CRYBG1: variants seen among roughly 807,000 people sequenced by gnomAD.
CRYBG1 encodes the protein beta/gamma crystallin domain-containing protein 1.
In CRYBG1, 139 loss-of-function variants were observed where a neutral mutation model predicts 189.2. The observed-to-expected ratio is 0.73, with a 90% confidence interval of 0.64 to 0.85. The LOEUF (loss-of-function observed/expected upper bound fraction) is 0.85. CRYBG1 is among the 40% of genes least tolerant of loss of function. The pLI is 0.00. For missense variants in CRYBG1, 2,611 were observed against 2,675.8 expected (o/e 0.98, Z 0.53); for synonymous variants, 1,023 against 1,017.1 (o/e 1.01, Z -0.11).
rs1010718510 is a variant in CRYBG1, at chr6:106,512,257, C to T, written c.1140C>T (p.Ile380=). The change falls in exon 3 of 22, where the codon ATC becomes ATT. Residue 380 remains isoleucine, a synonymous_variant. Transcript: ENST00000633556. ...CTGCTAAGGTGCTAACTTTGGACAT[C>T]TACTTGAGTAAGACTGAGGGGGCAC... is the stretch of plus-strand genomic sequence containing the variant. ...AHPAKVLTLD[I]YLSKTEGAQV... 2.6e-5 allele frequency: 40 copies of T among 1,553,524 alleles called. No homozygotes were observed. Among genetic ancestry groups the T allele is most frequent in the Non-Finnish European group, 3.3e-5 (38 of 1,153,268 alleles).
At chr6:106,471,889 C>G (rs553049312) in intron 2 of CRYBG1, among the ~76,000 whole-genome samples, 4 of 151,978 alleles carry the variant, frequency 2.6e-5, no homozygotes, top group Non-Finnish European at 5.9e-5. Flanking sequence ...ATTTTACCCC[C>G]TATCTCTCAT....
At chr6:106,545,240 A>C (rs904580932) in intron 13 of CRYBG1, among the ~76,000 whole-genome samples, 2 of 152,210 alleles carry the variant, frequency 1.3e-5, no homozygotes, top group Non-Finnish European at 2.9e-5. Flanking sequence ...GAGATCAAAT[A>C]ATAATAATAG....
intron 1 of CRYBG1, among the ~76,000 whole-genome samples, chr6:106,375,843 A>G (rs1432238397): frequency 6.6e-6 from 1 of 152,248 alleles, no homozygotes; most frequent in Non-Finnish European, 1.5e-5. Context: ...AACTGCTGAT[A>G]GCACTGAACC....
At position 106,360,807 on chromosome 6, in the gene CRYBG1, T is replaced by G; in HGVS notation, c.-102T>G. On this transcript the variant is annotated 5_prime_UTR_variant, in exon 1 of 22. Transcript: ENST00000633556. Reference sequence around the variant, plus strand: ...GAGGGGGCGGGGTCCCACGGCGCGCTGAGAAAGGCGGGCGAGCTGGCGCTC... The same window carrying G: ...GAGGGGGCGGGGTCCCACGGCGCGCGGAGAAAGGCGGGCGAGCTGGCGCTC... The G allele has an allele frequency of 1.6e-4, 218 of 1,336,582 alleles. No individual in the cohort carries two copies. The highest frequency in any genetic ancestry group is 1.9e-4 in the Non-Finnish European group (198 of 1,023,406). 82.8% of individuals were successfully genotyped at this position (1,336,582 alleles called of 1,614,324 possible).
intron 8 of CRYBG1, 134 bp downstream of exon 8, chr6:106,530,449 A>T: frequency 5.0e-6 from 4 of 802,880 alleles, no homozygotes; most frequent in Middle Eastern, 3.0e-4. Context: ...GTATATTTTT[A>T]TAAGGCACGT....
intron 1 of CRYBG1, among the ~76,000 whole-genome samples, chr6:106,375,617 A>T (rs1415155040): frequency 6.6e-6 from 1 of 152,142 alleles, no homozygotes; most frequent in Non-Finnish European, 1.5e-5. Context: ...GTTGGTTAGC[A>T]TCACTTGTTA....
rs943475335 is a variant in CRYBG1, at chr6:106,470,281, C to T, written c.312+18449C>T. 3.3e-5 allele frequency among the ~76,000 whole-genome samples: 5 copies of T among 152,120 alleles called. No individual in the cohort carries two copies. In the South Asian group the frequency reaches 1.0e-3, roughly 32 times the overall value. ...TCAAGGGTGCAATGAGCTGTGTTCA[C>T]GCCACTGCACTCCAGCCTGGGCAAC... On this transcript the variant is annotated intron_variant, in intron 2 of 21. Coordinates refer to ENST00000633556, the MANE Select transcript of CRYBG1 (RefSeq NM_001371242.2).
At chr6:106,523,084 CA>C (rs1773648262) in intron 4 of CRYBG1, among the ~76,000 whole-genome samples, 1 of 152,172 alleles carries the variant, frequency 6.6e-6, no homozygotes, top group African/African-American at 2.4e-5. Context: ...GATGTCATCA[CA>C]CATCATGGAG....
At chr6:106,415,150 G>T (rs541093243) in intron 1 of CRYBG1, among the ~76,000 whole-genome samples, 1 of 152,152 alleles carries the variant, frequency 6.6e-6, no homozygotes, top group Non-Finnish European at 1.5e-5. Flanking sequence ...GAATGTCAAA[G>T]ACTGTCTTGT....
intron 21 of CRYBG1, among the ~76,000 whole-genome samples, chr6:106,567,653 CCAT>C (rs1487249787): frequency 6.6e-6 from 1 of 151,624 alleles, no homozygotes; most frequent in East Asian, 1.9e-4. Flanking sequence ...AAAGGATAAG[CCAT>C]CTGAAGGGAT....
rs560184139 is a variant in CRYBG1, at chr6:106,446,384, C to T, written c.174-5310C>T. Among the ~76,000 whole-genome samples the T allele has an allele frequency of 3.3e-4, 50 of 152,296 alleles. 1 individual carries two copies. The South Asian group carries it at 0.01, about 31-fold the overall frequency. ...GTTCCCTTGAGGAAATAATTCAATT[C>T]AATGCAGGTGGAAGCACTTTTTGGT... On this transcript the variant is annotated intron_variant, in intron 1 of 21. Coordinates refer to ENST00000633556, the MANE Select transcript of CRYBG1 (RefSeq NM_001371242.2).
At chr6:106,362,362 T>TA (rs1771895590) in intron 1 of CRYBG1, among the ~76,000 whole-genome samples, 2 of 152,166 alleles carry the variant, frequency 1.3e-5, no homozygotes, top group Non-Finnish European at 2.9e-5. Flanking sequence ...TACTGCGATA[T>TA]AAAAAACAAT....
intron 1 of CRYBG1, among the ~76,000 whole-genome samples, chr6:106,444,142 A>G (rs974632726): frequency 2.0e-5 from 3 of 152,184 alleles, no homozygotes; most frequent in African/African-American, 7.2e-5. Flanking sequence ...TAAGATCATT[A>G]GTCTTTCTTT....
intron 2 of CRYBG1, among the ~76,000 whole-genome samples, chr6:106,458,511 C>G (rs763342116): frequency 2.6e-5 from 4 of 152,146 alleles, no homozygotes; most frequent in Non-Finnish European, 5.9e-5. Flanking sequence ...CCTTGTCAGA[C>G]TAGGAAGCCC....
At chr6:106,424,924 T>A (rs1396527536) in intron 1 of CRYBG1, among the ~76,000 whole-genome samples, 1 of 152,134 alleles carries the variant, frequency 6.6e-6, no homozygotes, top group Non-Finnish European at 1.5e-5. Context: ...TTCCACTGTG[T>A]CCTCTGGAAC....
At chr6:106,551,435 T>C (rs1289504930) in intron 13 of CRYBG1, among the ~76,000 whole-genome samples, 2 of 152,216 alleles carry the variant, frequency 1.3e-5, no homozygotes, top group African/African-American at 4.8e-5. Flanking sequence ...ACACCTAGGT[T>C]GATTCCACAT....
At chr6:106,501,880 A>G (rs1773018639) in intron 2 of CRYBG1, among the ~76,000 whole-genome samples, 1 of 152,256 alleles carries the variant, frequency 6.6e-6, no homozygotes, top group Admixed American at 6.5e-5. Context: ...TAAATCCACT[A>G]TTAAATCCAC....
rs1172939904 is a variant in CRYBG1 at position 106,405,909 on chromosome 6, A to C, written c.173+44828A>C. ...AAAGAGCAAAGGTAGGTAAATCCAC[A>C]AAGATGAGGAAAAATCAGTGCAAAA... On this transcript the variant is annotated intron_variant, in intron 1 of 21. Coordinates refer to ENST00000633556, the MANE Select transcript of CRYBG1 (RefSeq NM_001371242.2). Among the ~76,000 whole-genome samples, 3 of 152,226 alleles carry C rather than the reference A, an allele frequency of 2.0e-5. No individual in the cohort carries two copies. In the East Asian group the frequency reaches 5.8e-4, roughly 29 times the overall value.
intron 11 of CRYBG1, 64 bp downstream of exon 11, chr6:106,543,661 C>A: frequency 6.6e-7 from 1 of 1,510,610 alleles, no homozygotes; most frequent in South Asian, 1.2e-5. Flanking sequence ...ATAAATGTGC[C>A]CTTTCCCCCC....
Sources: allele counts gnomAD v4.1 joint callset (sites outside exome capture counted in the v4.1 genomes callset), GRCh38; gene constraint gnomAD v4.1.1; transcripts MANE v1.5; gene names NCBI Gene and HGNC (gene_info 2026-07-23, HGNC 2026-07-21).